FCER2: variants seen among roughly 807,000 people sequenced by gnomAD.
The protein encoded by FCER2 is low affinity immunoglobulin epsilon Fc receptor.
Under a neutral mutation model 49.7 loss-of-function variants are expected in FCER2, and 38 were observed. The ratio of observed to expected loss-of-function variants is 0.76; its 90% confidence interval spans 0.59 to 1.00. The LOEUF (loss-of-function observed/expected upper bound fraction) is 1.00, where lower values mean the gene tolerates loss of function less well. FCER2 is among the 50% of genes least tolerant of loss of function. The pLI is 0.00. For missense variants in FCER2, 425 were observed against 419.5 expected, an observed-to-expected ratio of 1.01 and a Z score of -0.11; for synonymous variants, 163 against 164.6, an observed-to-expected ratio of 0.99 and a Z score of 0.07.
rs2032819561 is a variant in FCER2, at chr19:7,690,155, T to C, written c.728+4A>G. ...CCCCTGGATCCCAGAGGCCCCCTCC[T>C]CACCTGTAGTCCACGTGGCTCCCAT... On this transcript the variant is annotated splice_donor_region_variant and intron_variant, in intron 10 of 10. Transcript: ENST00000597921. 8.8e-6 allele frequency: 14 copies of C among 1,588,010 alleles called. No homozygotes were observed. The highest frequency in any genetic ancestry group is 1.1e-5 in the Non-Finnish European group (13 of 1,156,596).
rs541382938 is a variant in FCER2 at position 7,696,510 on chromosome 19, A to T, written c.469+315T>A. Among the ~76,000 whole-genome samples, 64 of 152,226 alleles carry T rather than the reference A, an allele frequency of 4.2e-4. No individual in the cohort carries two copies. The South Asian group carries it at 0.012, about 30-fold the overall frequency. On this transcript the variant is annotated intron_variant, in intron 8 of 10. Coordinates refer to ENST00000597921, the MANE Select transcript of FCER2 (RefSeq NM_001220500.2). Reference sequence around the variant, plus strand: ...CTCGGCCTCTCAAAGTGCTGGGATTACAGGTGTGAGCCACCGCGCCTGGCC... The same window carrying T: ...CTCGGCCTCTCAAAGTGCTGGGATTTCAGGTGTGAGCCACCGCGCCTGGCC...
At chr19:7,696,622 C>T (rs760558403) in intron 8 of FCER2, 3 of 588,646 alleles carry the variant, frequency 5.1e-6, no homozygotes, top group South Asian at 2.1e-5. Context: ...GTCCTATTTC[C>T]GTCATCACGC....
At position 7,698,357 on chromosome 19, in the gene FCER2, G is replaced by A. The variant is rs747004976; in HGVS notation, c.189C>T (p.Asn63=). Residue 63 remains asparagine, a splice_region_variant and synonymous_variant, in exon 4 of 11, where the codon AAC becomes AAT. Coordinates refer to ENST00000597921, the MANE Select transcript of FCER2 (RefSeq NM_001220500.2). ...LKQLEERAAR[N]VSQVSKNLES... ...CCCTCCACCTTGACCCCTTCATACCGTTCCGGGCAGCCCTCTCTTCCAGCT... is the reference window on the plus strand; with the variant it reads ...CCCTCCACCTTGACCCCTTCATACCATTCCGGGCAGCCCTCTCTTCCAGCT... 1.6e-5 allele frequency: 26 copies of A among 1,609,226 alleles called. No individual in the cohort carries two copies. Among genetic ancestry groups the A allele is most frequent in the Admixed American group, 1.2e-4 (7 of 59,728 alleles).
At chr19:7,698,037 C>G (rs1193840783) in intron 4 of FCER2, among the ~76,000 whole-genome samples, 2 of 152,202 alleles carry the variant, frequency 1.3e-5, no homozygotes, top group South Asian at 4.1e-4. Context: ...TTAGTGGAAA[C>G]CTTAACTCTC....
chr19:7,698,983 C>A, intron 2 of FCER2, 129 bp from the exon 3 acceptor site: 1 of 913,326 alleles, frequency 1.1e-6, no homozygotes, highest in South Asian at 1.6e-5. Flanking sequence ...AGCAAAGGGT[C>A]TCAGTGGACC....
chr19:7,697,052 T>C lies in FCER2; in HGVS notation c.340A>G (p.Asn114Asp). The C allele has an allele frequency of 6.2e-7, 1 of 1,612,608 alleles. No homozygotes were observed. The highest frequency in any genetic ancestry group is 2.2e-5 in the East Asian group (1 of 44,832). Residue 114 changes from asparagine (N) to aspartate (D), a missense_variant, in exon 7 of 11, where the codon AAC becomes GAC. Asn to Asp is a conservative substitution (Grantham distance 23). Transcript: ENST00000597921. ...CTGCTCAGATCTGCTTGAAGCCCGT[T>C]CAGGTTCCAGGACAGCTCCAAGTCT... ...SQDLELSWNL[N>D]GLQADLSSFK...
At chr19:7,695,420 T>C (rs181534338) in intron 8 of FCER2, among the ~76,000 whole-genome samples, 6 of 152,094 alleles carry the variant, frequency 3.9e-5, no homozygotes, top group Non-Finnish European at 7.4e-5. Context: ...CTGGACTGCT[T>C]TAACGCAGAA....
At position 7,688,893 on chromosome 19, in the gene FCER2, T is replaced by G. The variant is rs2032774606; in HGVS notation, c.*300A>C. ...GAGATGGGGCTGCATCTGGAGAGGG[T>G]GCTGTTGGGGTGTACTCTCATCTGG... On this transcript the variant is annotated 3_prime_UTR_variant, in exon 11 of 11. Coordinates refer to ENST00000597921, the MANE Select transcript of FCER2 (RefSeq NM_001220500.2). 1 of 379,730 alleles carries G rather than the reference T, an allele frequency of 2.6e-6. No homozygotes were observed. The allele number at this position is 379,730 out of a possible 1,614,324, so 23.5% of individuals were successfully genotyped here.
At chr19:7,692,254 T>C (rs1170585707) in intron 8 of FCER2, among the ~76,000 whole-genome samples, 1 of 91,434 alleles carries the variant, frequency 1.1e-5, no homozygotes, top group African/African-American at 6.3e-5. Context: ...AACACCACTG[T>C]CATGAACACA....
chr19:7,698,991 ACC>A, intron 2 of FCER2, 137 bp from the exon 3 acceptor site: 1 of 862,784 alleles, frequency 1.2e-6, no homozygotes, highest in Non-Finnish European at 1.8e-6. Context: ...GTCTCAGTGG[ACC>A]CCCAGCTCCA....
intron 8 of FCER2, among the ~76,000 whole-genome samples, chr19:7,692,781 A>G (rs17159834): frequency 0.34 from 51,604 of 151,700 alleles, 9,666 homozygotes; most frequent in African/African-American, 0.5. Context: ...CACCATTACC[A>G]TAAATACATC....
rs143388680 is a variant in FCER2, at chr19:7,698,850, G to T, written c.27C>A (p.Ile9=). The T allele has an allele frequency of 1.9e-6, 3 of 1,592,256 alleles. No homozygotes were observed. Among genetic ancestry groups the T allele is most frequent in the Non-Finnish European group, 1.7e-6 (2 of 1,171,478 alleles). ...AACACCGCCTCCTGGGAAGCTCCTC[G>T]ATCTCTGCCGGGGGTGGAGGGACTG... MEEGQYSE[I]EELPRRRCCR... Residue 9 remains isoleucine, a synonymous_variant, in exon 3 of 11, where the codon ATC becomes ATA. Transcript: ENST00000597921.
chr19:7,698,325 C>A, intron 4 of FCER2, 31 bp downstream of exon 4: 1 of 1,525,408 alleles, frequency 6.6e-7, no homozygotes, highest in South Asian at 1.2e-5. Context: ...TAACCCTCAC[C>A]CCCACCCCCT....
At chr19:7,699,059 C>A (rs1413513711) in intron 2 of FCER2, among the ~76,000 whole-genome samples, 2 of 152,016 alleles carry the variant, frequency 1.3e-5, no homozygotes, top group Non-Finnish European at 2.9e-5. Flanking sequence ...AGAGACAGAT[C>A]TGGGACTAAG....
intron 8 of FCER2, among the ~76,000 whole-genome samples, chr19:7,692,673 C>T (rs1187546538): frequency 2.0e-5 from 3 of 149,012 alleles, no homozygotes; most frequent in African/African-American, 5.2e-5. Flanking sequence ...CCTCAGCTGA[C>T]GCCAATGTCA....
At chr19:7,690,374 C>T (rs2032830345) in intron 9 of FCER2, 32 bp downstream of exon 9, 1 of 1,609,240 alleles carries the variant, frequency 6.2e-7, no homozygotes, top group Non-Finnish European at 8.5e-7. Context: ...CCTCGCCATG[C>T]TGCCCACCAC....
Position 7,689,042 on chromosome 19 carries a change from G to T in FCER2, c.*151C>A. On this transcript the variant is annotated 3_prime_UTR_variant, in exon 11 of 11. Transcript: ENST00000597921. Reference sequence around the variant, plus strand: ...GGGTGCTGTTGGGGTGTACTCCTGGGAAGGCAGGGGCCATAGAGGAGCGGG... The same window carrying T: ...GGGTGCTGTTGGGGTGTACTCCTGGTAAGGCAGGGGCCATAGAGGAGCGGG... 1 of 622,588 alleles carries T rather than the reference G, an allele frequency of 1.6e-6. No homozygotes were observed. The highest frequency in any genetic ancestry group is 2.9e-6 in the Non-Finnish European group (1 of 350,696). The allele number at this position is 622,588 out of a possible 1,614,324, so 38.6% of individuals were successfully genotyped here.
chr19:7,699,493 C>G, intron 2 of FCER2: 153 of 1,243,278 alleles, frequency 1.2e-4, no homozygotes, highest in East Asian at 3.5e-4. Flanking sequence ...TTTTTTTTTT[C>G]TTTTTCTTTT....
chr19:7,694,702 G>A (rs2032968424), intron 8 of FCER2, among the ~76,000 whole-genome samples: 1 of 152,158 alleles, frequency 6.6e-6, no homozygotes, highest in Non-Finnish European at 1.5e-5. Flanking sequence ...ATCACACCAA[G>A]CACAGAAACT....
Sources: gnomAD v4.1 joint callset for allele counts (sites outside exome capture counted in the v4.1 genomes callset) on GRCh38, gnomAD v4.1.1 for gene constraint, MANE v1.5 for transcripts, NCBI Gene and HGNC (gene_info 2026-07-23, HGNC 2026-07-21) for gene names.